FAM174B: variants seen among roughly 807,000 people sequenced by gnomAD.
FAM174B encodes membrane protein FAM174B.
FAM174B carries 12 observed loss-of-function variants against 10.9 expected under a neutral mutation model. The observed-to-expected ratio is 1.10, with a 90% confidence interval of 0.71 to 1.79. The LOEUF (loss-of-function observed/expected upper bound fraction) is 1.79, where lower values mean the gene tolerates loss of function less well. Ranked by LOEUF, FAM174B falls within the 40% of genes most tolerant of loss-of-function variation. The probability of loss-of-function intolerance (pLI) is 0.00; values close to 1 mark genes in which losing one functional copy is unlikely to be tolerated. For missense variants in FAM174B, 266 were observed against 233.3 expected, an observed-to-expected ratio of 1.14 and a Z score of -0.91; for synonymous variants, 132 against 115.8, an observed-to-expected ratio of 1.14 and a Z score of -0.90.
At chr15:92,653,202 C>T (rs552301472) in intron 1 of FAM174B, 4 of 152,294 alleles carry the variant, frequency 2.6e-5, no homozygotes, top group East Asian at 1.9e-4. Context: ...CCTATGAAGT[C>T]GTAAACTTCT....
intron 1 of FAM174B, chr15:92,655,038 G>A: frequency 3.3e-6 from 1 of 302,772 alleles, no homozygotes; most frequent in Non-Finnish European, 6.0e-6. Context: ...TATTGTTAGT[G>A]TTCAGCATTA....
intron 1 of FAM174B, among the ~76,000 whole-genome samples, chr15:92,646,696 G>C (rs1237245612): frequency 6.6e-6 from 1 of 152,190 alleles, no homozygotes; most frequent in Non-Finnish European, 1.5e-5. Flanking sequence ...GCCACCTGGA[G>C]GCTTCGCCTG....
At chr15:92,646,002 C>T (rs989899752) in intron 1 of FAM174B, among the ~76,000 whole-genome samples, 3 of 152,086 alleles carry the variant, frequency 2.0e-5, no homozygotes, top group Non-Finnish European at 4.4e-5. Flanking sequence ...CCTTTCCCTG[C>T]CTGGTCACCC....
At chr15:92,622,964 T>C (rs1197261965) in intron 2 of FAM174B, among the ~76,000 whole-genome samples, 2 of 152,100 alleles carry the variant, frequency 1.3e-5, no homozygotes, top group African/African-American at 4.8e-5. Flanking sequence ...GAGACCAGCC[T>C]GGCCAATATG....
chr15:92,630,228 G>A lies in FAM174B; in HGVS notation c.462C>T (p.Phe154=), dbSNP rs186489778. ...CCACCCTGTACCTGTATTTGATGTC[G>A]AATACTGTGGAGTCCTCATCTTCAT... The part of the protein sequence containing the change: ...EDDEDEDSTV[F]DIKYR The change falls in exon 2 of 3, where the codon TTC becomes TTT. Residue 154 remains phenylalanine, a synonymous_variant. Coordinates refer to ENST00000327355, the MANE Select transcript of FAM174B (RefSeq NM_207446.3). The A allele has an allele frequency of 6.8e-4, 1,098 of 1,613,574 alleles. 1 individual carries two copies. Among genetic ancestry groups the A allele is most frequent in the Non-Finnish European group, 8.7e-4 (1,025 of 1,179,714 alleles).
In FAM174B at chr15:92,618,986, G is replaced by C. The variant is rs2050700029; in HGVS notation, c.*470C>G. ...AGGACCTGACCAAGCCAAAAAAGCAGCAAAGGATCAGATGGGGTCCAATGT... is the reference window on the plus strand; with the variant it reads ...AGGACCTGACCAAGCCAAAAAAGCACCAAAGGATCAGATGGGGTCCAATGT... On this transcript the variant is annotated 3_prime_UTR_variant, in exon 3 of 3. Coordinates refer to ENST00000327355, the MANE Select transcript of FAM174B (RefSeq NM_207446.3). 5.1e-6 allele frequency: 3 copies of C among 590,780 alleles called. No homozygotes were observed. Among genetic ancestry groups the C allele is most frequent in the Non-Finnish European group, 9.0e-6 (3 of 333,248 alleles). The allele number at this position is 590,780 out of a possible 1,614,324, so 36.6% of individuals were successfully genotyped here. A position where few individuals can be genotyped will look rare whatever the true frequency, so the allele number is the denominator to read the frequency against.
intron 1 of FAM174B, among the ~76,000 whole-genome samples, chr15:92,648,137 T>G (rs968087730): frequency 4.6e-5 from 7 of 152,226 alleles, no homozygotes; most frequent in Non-Finnish European, 2.9e-5. Context: ...TATTGATTCA[T>G]GTCTTTGCCT....
chr15:92,640,551 C>CAAAAAAAAA (rs60865026), intron 1 of FAM174B, among the ~76,000 whole-genome samples: 3 of 67,722 alleles, frequency 4.4e-5, no homozygotes, highest in African/African-American at 1.7e-4. Context: ...GACTCCATCT[C>CAAAAAAAAA]AAAAAAAAAA....
chr15:92,620,811 T>A (rs2050714323), intron 2 of FAM174B, among the ~76,000 whole-genome samples: 1 of 66,628 alleles, frequency 1.5e-5, no homozygotes, highest in African/African-American at 6.1e-5. Context: ...CAAGACTCTG[T>A]CTCAAAAAAA....
rs932880285 is a variant in FAM174B at position 92,655,692 on chromosome 15, C to G, written c.-33G>C. On this transcript the variant is annotated 5_prime_UTR_variant, in exon 1 of 3. Transcript: ENST00000327355. The stretch of plus-strand genomic sequence containing the variant: ...TGGGTCGGCACAGGATCGGGCAGGG[C>G]GCGCGCGGCTGAGCTCCAGGATCCG... The G allele has an allele frequency of 8.1e-7, 1 of 1,235,982 alleles. No homozygotes were observed. Among genetic ancestry groups the G allele is most frequent in the Non-Finnish European group, 1.0e-6 (1 of 990,136 alleles). The allele number at this position is 1,235,982 out of a possible 1,614,324, so 76.6% of individuals were successfully genotyped here.
Position 92,654,719 on chromosome 15 carries a change from C to T in FAM174B, c.344+597G>A, listed in dbSNP as rs150153044. Among the ~76,000 whole-genome samples the T allele has an allele frequency of 6.0e-3, 915 of 151,770 alleles. 6 individuals carry two copies. The highest frequency in any genetic ancestry group is 0.021 in the African/African-American group (860 of 41,394). On this transcript the variant is annotated intron_variant, in intron 1 of 2. Coordinates refer to ENST00000327355, the MANE Select transcript of FAM174B (RefSeq NM_207446.3). Reference sequence around the variant, plus strand: ...CTCAGCTCCAACCCCTGGTGCAAAGCACCCCTCCAGCGTAATTCTGGAGGC... The same window carrying T: ...CTCAGCTCCAACCCCTGGTGCAAAGTACCCCTCCAGCGTAATTCTGGAGGC...
At position 92,655,494 on chromosome 15, in the gene FAM174B, G is replaced by T. The variant is rs1361650625; in HGVS notation, c.166C>A (p.Arg56=). 2.0e-6 allele frequency: 3 copies of T among 1,528,662 alleles called. No individual in the cohort carries two copies. The highest frequency in any genetic ancestry group is 2.9e-5 in the African/African-American group (2 of 70,046). The allele number at this position is 1,528,662 out of a possible 1,614,324, so 94.7% of individuals were successfully genotyped here. The part of the protein sequence containing the change: ...PPGPGPGNTT[R]FGSGAAGGSG... ...CCGCCCGCCGCCCCAGACCCAAACC[G>T]GGTGGTGTTCCCGGGCCCCGGGCCG... Residue 56 remains arginine (R), a synonymous_variant, in exon 1 of 3, where the codon CGG becomes AGG. Coordinates refer to ENST00000327355, the MANE Select transcript of FAM174B (RefSeq NM_207446.3).
chr15:92,630,030 T>G lies in FAM174B; in HGVS notation c.476+184A>C, dbSNP rs867424701. ...TTTATACATTTCCTAGTCCCAGGTA[T>G]GTCTTTATTAGCAGCATGAAAATGG... On this transcript the variant is annotated intron_variant, in intron 2 of 2. Transcript: ENST00000327355. 1.7e-4 allele frequency: 84 copies of G among 483,354 alleles called. No homozygotes were observed. In the Middle Eastern group the frequency reaches 2.7e-3, roughly 15 times the overall value. The allele number at this position is 483,354 out of a possible 1,614,324, so 29.9% of individuals were successfully genotyped here.
intron 2 of FAM174B, among the ~76,000 whole-genome samples, chr15:92,622,195 C>G (rs572250894): frequency 2.6e-5 from 4 of 152,384 alleles, no homozygotes; most frequent in South Asian, 2.1e-4. Context: ...CTACCAGGCT[C>G]TCTGCCCTCA....
At chr15:92,630,139 C>T in intron 2 of FAM174B, 75 bp downstream of exon 2, 3 of 1,502,458 alleles carry the variant, frequency 2.0e-6, no homozygotes, top group South Asian at 2.4e-5. Context: ...AACACATGGA[C>T]ACCATGCCTG....
At chr15:92,638,878 C>G (rs1169776708) in intron 1 of FAM174B, among the ~76,000 whole-genome samples, 1 of 152,198 alleles carries the variant, frequency 6.6e-6, no homozygotes. Context: ...CTACACATGA[C>G]CTCCAGGCAC....
chr15:92,619,043 C>G lies in FAM174B; in HGVS notation c.*413G>C. 1 of 400,130 alleles carries G rather than the reference C, an allele frequency of 2.5e-6. No individual in the cohort carries two copies. The highest frequency in any genetic ancestry group is 4.4e-6 in the Non-Finnish European group (1 of 229,234). The allele number at this position is 400,130 out of a possible 1,614,324, so 24.8% of individuals were successfully genotyped here. On this transcript the variant is annotated 3_prime_UTR_variant, in exon 3 of 3. Coordinates refer to ENST00000327355, the MANE Select transcript of FAM174B (RefSeq NM_207446.3). Reference sequence around the variant, plus strand: ...CCAGTAGAGAAGAATGTCGGAAATTCTAAATACACAGTTGGACATCCTTCA... The same window carrying G: ...CCAGTAGAGAAGAATGTCGGAAATTGTAAATACACAGTTGGACATCCTTCA...
intron 2 of FAM174B, 49 bp downstream of exon 2, chr15:92,630,165 C>T (rs371001501): frequency 1.2e-5 from 20 of 1,602,490 alleles, no homozygotes; most frequent in Non-Finnish European, 1.7e-6. Flanking sequence ...GAGGTCCCAC[C>T]AACCCACTGC....
At chr15:92,636,057 G>A (rs2050854102) in intron 1 of FAM174B, among the ~76,000 whole-genome samples, 1 of 152,196 alleles carries the variant, frequency 6.6e-6, no homozygotes, top group Non-Finnish European at 1.5e-5. Flanking sequence ...GAAAACGTGA[G>A]AAAATGGGAA....
Sources: gnomAD v4.1 joint callset for allele counts (sites outside exome capture counted in the v4.1 genomes callset) on GRCh38, gnomAD v4.1.1 for gene constraint, MANE v1.5 for transcripts, NCBI Gene and HGNC (gene_info 2026-07-23, HGNC 2026-07-21) for gene names.